Variants in RAB11FIP5 observed in about 807,000 individuals in gnomAD.
RAB11FIP5 encodes the protein rab11 family-interacting protein 5.
In RAB11FIP5, 48 loss-of-function variants were observed where a neutral mutation model predicts 85.1. That is an observed-to-expected ratio of 0.56 (90% CI 0.45 to 0.72). RAB11FIP5 has a LOEUF of 0.72. Among genes scored for constraint, RAB11FIP5 ranks in the 30% least tolerant of loss-of-function variants. RAB11FIP5 has a pLI of 0.00. For missense variants in RAB11FIP5, 1,491 were observed against 1,687.0 expected (o/e 0.88, Z 2.04); for synonymous variants, 729 against 727.3 (o/e 1.00, Z -0.04).
intron 1 of RAB11FIP5, among the ~76,000 whole-genome samples, chr2:73,107,771 G>A (rs1684559072): frequency 1.3e-5 from 2 of 152,196 alleles, no homozygotes; most frequent in South Asian, 4.1e-4. Flanking sequence ...TGCAGCCAGA[G>A]TAGACCTCCC....
rs1259165959 is a variant in RAB11FIP5 at position 73,080,524 on chromosome 2, T to C, written c.2708A>G (p.Lys903Arg). 6.5e-6 allele frequency: 8 copies of C among 1,232,776 alleles called. No individual in the cohort carries two copies. Among genetic ancestry groups the C allele is most frequent in the African/African-American group, 1.5e-5 (1 of 64,520 alleles). 76.4% of individuals were successfully genotyped at this position (1,232,776 alleles called of 1,614,324 possible). Residue 903 changes from lysine (K) to arginine (R), a missense_variant, in exon 4 of 6, where the codon AAG becomes AGG. Physicochemically the swap from Lys to Arg is conservative, Grantham distance 26 (BLOSUM62 2). This residue lies in a region of RAB11FIP5 where 1,211 missense variants were observed against 1,338.0 expected (regional missense o/e 0.91). Transcript: ENST00000486777. ...KGLQPSTPPP[K>R]PPRLFTPSRS... ...TGAGGGTGTGAAGAGGCGCGGTGGC[T>C]TGGGAGGTGGGGTGCTGGGCTGCAG...
intron 1 of RAB11FIP5, among the ~76,000 whole-genome samples, chr2:73,093,594 G>C (rs1684261120): frequency 6.6e-6 from 1 of 152,158 alleles, no homozygotes. Context: ...GGTGAGTGCT[G>C]GGTCCCCCAC....
chr2:73,089,498 C>T lies in RAB11FIP5; in HGVS notation c.432-183G>A, dbSNP rs943770115. The T allele has an allele frequency of 1.4e-5, 10 of 711,950 alleles. No homozygotes were observed. In the African/African-American group the frequency reaches 1.6e-4, roughly 11 times the overall value. The allele number at this position is 711,950 out of a possible 1,614,324, so 44.1% of individuals were successfully genotyped here. A position where few individuals can be genotyped will look rare whatever the true frequency, so the allele number is the denominator to read the frequency against. On this transcript the variant is annotated intron_variant, in intron 1 of 5. Coordinates refer to ENST00000486777, the MANE Select transcript of RAB11FIP5 (RefSeq NM_001371272.1). This position sits in a 1 kb window ranked among gnomAD's most constrained non-coding sequence, Gnocchi z 4.6. Reference sequence around the variant, plus strand: ...GCTTCAGATGCAGCTGAGAAACTATCCAAAACATTTCCATGATGGAGAAAA... The same window carrying T: ...GCTTCAGATGCAGCTGAGAAACTATTCAAAACATTTCCATGATGGAGAAAA...
Position 73,078,159 on chromosome 2 carries a change from A to G in RAB11FIP5, c.3581+1492T>C, listed in dbSNP as rs1683898702. On this transcript the variant is annotated intron_variant, in intron 4 of 5. Transcript: ENST00000486777. This position sits in a 1 kb window ranked among gnomAD's most constrained non-coding sequence, Gnocchi z 4.4. ...TGTGCCAGGGAAGGGGAGGATGACC[A>G]GTGTAGTATAAAAGTGCCTTGAATG... Among the ~76,000 whole-genome samples the G allele has an allele frequency of 6.6e-6, 1 of 152,212 alleles. No homozygotes were observed. The highest frequency in any genetic ancestry group is 2.4e-5 in the African/African-American group (1 of 41,462).
At chr2:73,098,479 C>T (rs183641126) in intron 1 of RAB11FIP5, among the ~76,000 whole-genome samples, 69 of 152,342 alleles carry the variant, frequency 4.5e-4, no homozygotes, top group East Asian at 3.5e-3. Flanking sequence ...ACACGGGAAA[C>T]GCACACGAGC....
In RAB11FIP5 at chr2:73,086,222, G is replaced by A. The variant is rs946656966; in HGVS notation, c.1568+1828C>T. Among the ~76,000 whole-genome samples, 1 of 152,152 alleles carries A rather than the reference G, an allele frequency of 6.6e-6. No individual in the cohort carries two copies. The highest frequency in any genetic ancestry group is 2.4e-5 in the African/African-American group (1 of 41,434). ...GGCCACAGAGCCTGGCCCTGCAGCC[G>A]CCACCTGCAAATAGGCCCCATCTTG... On this transcript the variant is annotated intron_variant, in intron 3 of 5. Coordinates refer to ENST00000486777, the MANE Select transcript of RAB11FIP5 (RefSeq NM_001371272.1). This position sits in a 1 kb window ranked among gnomAD's most constrained non-coding sequence, Gnocchi z 4.4.
chr2:73,080,094 C>T lies in RAB11FIP5; in HGVS notation c.3138G>A (p.Leu1046=). 1 of 1,232,236 alleles carries T rather than the reference C, an allele frequency of 8.1e-7. No individual in the cohort carries two copies. The allele number at this position is 1,232,236 out of a possible 1,614,324, so 76.3% of individuals were successfully genotyped here. ...CATCAGCCTGCTGGGAGGTGGCTGA[C>T]AAGGACCCAAGCCCCTCTCCTACTG... ...QDPVGEGLGS[L]SATSQQADVW... Residue 1046 remains leucine, a synonymous_variant, in exon 4 of 6, where the codon TTG becomes TTA. Transcript: ENST00000486777.
chr2:73,108,870 C>G (rs1684582519), intron 1 of RAB11FIP5, among the ~76,000 whole-genome samples: 1 of 152,148 alleles, frequency 6.6e-6, no homozygotes. Flanking sequence ...ATGGCAAAAC[C>G]CAGTCTCTAC....
At chr2:73,108,448 A>G (rs180692639) in intron 1 of RAB11FIP5, among the ~76,000 whole-genome samples, 1 of 152,320 alleles carries the variant, frequency 6.6e-6, no homozygotes, top group East Asian at 1.9e-4. Flanking sequence ...CTCCTCTCCT[A>G]AAACACACAA....
At chr2:73,102,027 G>C (rs1053909418) in intron 1 of RAB11FIP5, among the ~76,000 whole-genome samples, 1 of 152,160 alleles carries the variant, frequency 6.6e-6, no homozygotes, top group Non-Finnish European at 1.5e-5. Flanking sequence ...TGAAGCACAC[G>C]GGAAGGCTCA....
intron 1 of RAB11FIP5, among the ~76,000 whole-genome samples, chr2:73,090,725 T>C (rs1377126031): frequency 6.6e-6 from 1 of 152,224 alleles, no homozygotes; most frequent in East Asian, 1.9e-4. Context: ...GATCAGTGGT[T>C]GCTGGGGGAT....
intron 1 of RAB11FIP5, among the ~76,000 whole-genome samples, chr2:73,102,537 G>A (rs1236390381): frequency 6.6e-6 from 1 of 152,172 alleles, no homozygotes; most frequent in Non-Finnish European, 1.5e-5. Flanking sequence ...AATGGGGAAG[G>A]TAGGAGAGCC....
At chr2:73,108,473 G>A (rs1202127175) in intron 1 of RAB11FIP5, among the ~76,000 whole-genome samples, 6 of 152,218 alleles carry the variant, frequency 3.9e-5, no homozygotes, top group Non-Finnish European at 8.8e-5. Flanking sequence ...CAGCATTCCA[G>A]GGGGCAAAGA....
intron 1 of RAB11FIP5, among the ~76,000 whole-genome samples, chr2:73,093,891 C>T (rs1311249167): frequency 6.6e-6 from 1 of 152,128 alleles, no homozygotes; most frequent in Non-Finnish European, 1.5e-5. Context: ...GAGGCCAAGG[C>T]GGGCAGATCA....
intron 1 of RAB11FIP5, among the ~76,000 whole-genome samples, chr2:73,092,574 G>A (rs775695420): frequency 1.3e-5 from 2 of 152,072 alleles, no homozygotes; most frequent in African/African-American, 4.8e-5. Flanking sequence ...AGAGGAAGGC[G>A]GGAGGCCGAG....
Position 73,112,495 on chromosome 2 carries a change from GGCCCGCGTCGGCCTCCTGC to G in RAB11FIP5, c.264_282del (p.Gln89ArgfsTer79). The G allele has an allele frequency of 1.3e-6, 2 of 1,488,864 alleles. No homozygotes were observed. Among genetic ancestry groups the G allele is most frequent in the Non-Finnish European group, 1.8e-6 (2 of 1,122,744 alleles). The allele number at this position is 1,488,864 out of a possible 1,614,324, so 92.2% of individuals were successfully genotyped here. A position where few individuals can be genotyped will look rare whatever the true frequency, so the allele number is the denominator to read the frequency against. ...GCGGAGCTCGCGGCCCAGGGCGCCGGGCCCGCGTCGGCCTCCTGCGCCCGCAGCAGGCCATCCAGGGCCC... is the reference window on the plus strand; with the variant it reads ...GCGGAGCTCGCGGCCCAGGGCGCCGGGCCCGCAGCAGGCCATCCAGGGCCC... On this transcript the variant is annotated frameshift_variant, in exon 1 of 6. Coordinates refer to ENST00000486777, the MANE Select transcript of RAB11FIP5 (RefSeq NM_001371272.1). LOFTEE classifies it high-confidence loss of function.
intron 1 of RAB11FIP5, among the ~76,000 whole-genome samples, chr2:73,102,495 A>AT (rs920170343): frequency 6.6e-6 from 1 of 152,148 alleles, no homozygotes; most frequent in East Asian, 1.9e-4. Context: ...GGTTAAAAAA[A>AT]TTTTTTTTTA....
chr2:73,081,122 CT>C lies in RAB11FIP5; in HGVS notation c.2109del (p.Gly704GlufsTer43). On this transcript the variant is annotated frameshift_variant, in exon 4 of 6. Coordinates refer to ENST00000486777, the MANE Select transcript of RAB11FIP5 (RefSeq NM_001371272.1). LOFTEE classifies it high-confidence loss of function. This position sits in a 1 kb window ranked among gnomAD's most constrained non-coding sequence, Gnocchi z 4.2. The part of the protein sequence containing the change: ...AAEPQGEPGG[G>X]GGGGGGGGGR... ...CCTCCTCCTCCTCCTCCTCCTCCTC[CT>C]CCTCCCCCAGGCTCTCCCTGGGGCT... is the stretch of plus-strand genomic sequence containing the variant. The C allele has an allele frequency of 8.9e-6, 11 of 1,234,386 alleles. No individual in the cohort carries two copies. Among genetic ancestry groups the C allele is most frequent in the African/African-American group, 1.5e-5 (1 of 64,528 alleles). 76.5% of individuals were successfully genotyped at this position (1,234,386 alleles called of 1,614,324 possible).
Position 73,075,131 on chromosome 2 carries a change from A to C in RAB11FIP5, c.*390T>G. The stretch of plus-strand genomic sequence containing the variant: ...GGGATGGGGCTTTGGCTGTGGGAAG[A>C]AATGGCTGACCATCCTTGGGGGATA... On this transcript the variant is annotated 3_prime_UTR_variant, in exon 6 of 6. Coordinates refer to ENST00000486777, the MANE Select transcript of RAB11FIP5 (RefSeq NM_001371272.1). This position sits in a 1 kb window ranked among gnomAD's most constrained non-coding sequence, Gnocchi z 4.6. 2.3e-6 allele frequency: 1 copy of C among 436,080 alleles called. No homozygotes were observed. Among genetic ancestry groups the C allele is most frequent in the Non-Finnish European group, 4.5e-6 (1 of 222,210 alleles). 27.0% of individuals were successfully genotyped at this position (436,080 alleles called of 1,614,324 possible).
Sources: gnomAD v4.1 joint callset for allele counts (sites outside exome capture counted in the v4.1 genomes callset) on GRCh38, gnomAD v4.1.1 for gene constraint, gnomAD v4.1.1 regional missense constraint, Gnocchi (gnomAD v3.1) non-coding constraint, MANE v1.5 for transcripts, NCBI Gene and HGNC (gene_info 2026-07-23, HGNC 2026-07-21) for gene names.